SLC25A39: variants seen among roughly 807,000 people sequenced by gnomAD.
The protein encoded by SLC25A39 is mitochondrial glutathione transporter SLC25A39.
A neutral mutation model predicts 46.6 loss-of-function variants in SLC25A39; 44 were observed. The ratio of observed to expected loss-of-function variants is 0.94; its 90% CI spans 0.74 to 1.21. The LOEUF (loss-of-function observed/expected upper bound fraction) is 1.21, where lower values mean the gene tolerates loss of function less well. Ranked by LOEUF, SLC25A39 falls within the 50% of genes most tolerant of loss-of-function variation. The pLI is 0.00. For missense variants in SLC25A39, 487 were observed against 473.0 expected, an observed-to-expected ratio of 1.03 and a Z score of -0.28; for synonymous variants, 218 against 190.6, an observed-to-expected ratio of 1.14 and a Z score of -1.19.
intron 8 of SLC25A39, 151 bp from the exon 9 acceptor site, chr17:44,320,882 C>T (rs2048008960): frequency 1.0e-6 from 1 of 973,598 alleles, no homozygotes; most frequent in Non-Finnish European, 1.5e-6. Context: ...AATTAATCTC[C>T]TGACCGCCTG....
chr17:44,323,143 G>A, intron 3 of SLC25A39, 141 bp downstream of exon 3: 1 of 1,063,126 alleles, frequency 9.4e-7, no homozygotes, highest in Non-Finnish European at 1.4e-6. Flanking sequence ...GGCTGGCCTT[G>A]AACTCCTGAT....
intron 1 of SLC25A39, 99 bp from the exon 2 acceptor site, chr17:44,323,676 C>A: frequency 1.2e-6 from 1 of 803,936 alleles, no homozygotes; most frequent in Non-Finnish European, 2.0e-6. Flanking sequence ...TCTCGCTCTG[C>A]GCACTGTTGC....
rs1484541611 is a variant in SLC25A39, at chr17:44,320,742, G to C, written c.692-11C>G. On this transcript the variant is annotated splice_polypyrimidine_tract_variant and intron_variant, in intron 8 of 11. Transcript: ENST00000377095. ...TGAACCAGTACAGGGCTTGGGGTGGGGGATGCACTGATTAGAGACGGGAAG... is the reference window on the plus strand; with the variant it reads ...TGAACCAGTACAGGGCTTGGGGTGGCGGATGCACTGATTAGAGACGGGAAG... The C allele has an allele frequency of 6.9e-6, 11 of 1,601,458 alleles. No homozygotes were observed. Among genetic ancestry groups the C allele is most frequent in the Non-Finnish European group, 9.4e-6 (11 of 1,169,340 alleles).
chr17:44,321,052 G>A lies in SLC25A39; in HGVS notation c.691+6C>T. Reference sequence around the variant, plus strand: ...CTCACCCACCCCCTGCAGCTTGGGTGCCTACCTGAGAAGGGCACATCTCGA... The same window carrying A: ...CTCACCCACCCCCTGCAGCTTGGGTACCTACCTGAGAAGGGCACATCTCGA... On this transcript the variant is annotated splice_donor_region_variant and intron_variant, in intron 8 of 11. Transcript: ENST00000377095. The A allele has an allele frequency of 1.9e-6, 3 of 1,584,794 alleles. No individual in the cohort carries two copies. The highest frequency in any genetic ancestry group is 8.6e-7 in the Non-Finnish European group (1 of 1,166,848).
In SLC25A39 at chr17:44,319,850, C is replaced by A. The variant is rs2047958582; in HGVS notation, c.*151G>T. The A allele has an allele frequency of 1.5e-6, 1 of 676,824 alleles. No homozygotes were observed. The highest frequency in any genetic ancestry group is 2.5e-6 in the Non-Finnish European group (1 of 400,914). The allele number at this position is 676,824 out of a possible 1,614,324, so 41.9% of individuals were successfully genotyped here. A position where few individuals can be genotyped will look rare whatever the true frequency, so the allele number is the denominator to read the frequency against. On this transcript the variant is annotated 3_prime_UTR_variant, in exon 12 of 12. Coordinates refer to ENST00000377095, the MANE Select transcript of SLC25A39 (RefSeq NM_001143780.3). ...TGTGTCTGAGGAAGTGCTGGGCCGC[C>A]CAGAGGGACAGCCCTGCCCTGGAGC...
chr17:44,320,834 T>A, intron 8 of SLC25A39, 103 bp from the exon 9 acceptor site: 1 of 1,052,052 alleles, frequency 9.5e-7, no homozygotes. Context: ...GTGAGTCTTG[T>A]CTGCTACATG....
At chr17:44,323,449 G>GCCCCCCCCCCCC in intron 2 of SLC25A39, 29 bp downstream of exon 2, 1 of 258,682 alleles carries the variant, frequency 3.9e-6, no homozygotes. Context: ...ATCCCCACCC[G>GCCCCCCCCCCCC]CCCCCACCCC....
rs778600104 is a variant in SLC25A39, at chr17:44,320,624, T to TC, written c.798dup (p.Thr267AspfsTer11). 9.3e-6 allele frequency: 15 copies of TC among 1,613,514 alleles called. No individual in the cohort carries two copies. Among genetic ancestry groups the TC allele is most frequent in the Non-Finnish European group, 1.3e-5 (15 of 1,179,794 alleles). On this transcript the variant is annotated frameshift_variant, in exon 9 of 12. Transcript: ENST00000377095. LOFTEE classifies it high-confidence loss of function. ...CACCTCCAGCCCAGTCCACTCACCG[T>TC]CCCTGAGATGCCACCAGCCACAAAG...
chr17:44,322,765 C>T (rs747989857), intron 4 of SLC25A39, 43 bp downstream of exon 4: 2 of 1,613,496 alleles, frequency 1.2e-6, no homozygotes, highest in African/African-American at 2.7e-5. Flanking sequence ...GGACTGTCTC[C>T]CCCTTGCACC....
intron 5 of SLC25A39, among the ~76,000 whole-genome samples, chr17:44,322,135 G>A (rs1010391892): frequency 2.0e-5 from 3 of 152,190 alleles, no homozygotes; most frequent in African/African-American, 7.2e-5. Context: ...TGTAATCCCA[G>A]CTACTTCGGA....
chr17:44,320,574 C>T (rs1231317903), intron 9 of SLC25A39, 48 bp downstream of exon 9: 13 of 1,592,148 alleles, frequency 8.2e-6, no homozygotes, highest in Non-Finnish European at 9.5e-6. Flanking sequence ...CCTCAGGCCC[C>T]CCGCAGGGAG....
At position 44,319,998 on chromosome 17, in the gene SLC25A39, CT is replaced by C; in HGVS notation, c.*2del. The C allele has an allele frequency of 6.2e-7, 1 of 1,613,842 alleles. No homozygotes were observed. Among genetic ancestry groups the C allele is most frequent in the East Asian group, 2.2e-5 (1 of 44,878 alleles). On this transcript the variant is annotated 3_prime_UTR_variant, in exon 12 of 12. Coordinates refer to ENST00000377095, the MANE Select transcript of SLC25A39 (RefSeq NM_001143780.3). ...AGACGGGGTCCTTGCCTCCTTGCCCCTTTCAGCCGCCCAGAAGCCGGTCCTG... is the reference window on the plus strand; with the variant it reads ...AGACGGGGTCCTTGCCTCCTTGCCCCTTCAGCCGCCCAGAAGCCGGTCCTG...
At position 44,321,707 on chromosome 17, in the gene SLC25A39, CGG is replaced by C. The variant is rs2048045452; in HGVS notation, c.383_384del (p.Pro128ArgfsTer18). On this transcript the variant is annotated frameshift_variant, in exon 6 of 12. Coordinates refer to ENST00000377095, the MANE Select transcript of SLC25A39 (RefSeq NM_001143780.3). LOFTEE classifies it high-confidence loss of function. ...EGTRTLWSGL[P>X]ATLVMTVPAT... ...CAGGACCCGGCTACTCACAGGGTGG[CGG>C]GGAGGCCGCTCCAGAGGGTCCTGGT... 4 of 1,611,636 alleles carry C rather than the reference CGG, an allele frequency of 2.5e-6. No homozygotes were observed. Among genetic ancestry groups the C allele is most frequent in the Non-Finnish European group, 3.4e-6 (4 of 1,178,460 alleles).
chr17:44,322,057 T>C lies in SLC25A39; in HGVS notation c.325-290A>G, dbSNP rs557904790. Among the ~76,000 whole-genome samples, 45 of 152,300 alleles carry C rather than the reference T, an allele frequency of 3.0e-4. No homozygotes were observed. In the South Asian group the frequency reaches 8.3e-3, roughly 28 times the overall value. ...TTGAGGCAGGAGTTCGAGACCAGCC[T>C]GGCCAACACGGCAAAACCCTGTCTC... On this transcript the variant is annotated intron_variant, in intron 5 of 11. Transcript: ENST00000377095.
At chr17:44,321,822 G>A (rs533472757) in intron 5 of SLC25A39, 55 bp from the exon 6 acceptor site, 2 of 1,560,750 alleles carry the variant, frequency 1.3e-6, no homozygotes, top group African/African-American at 1.3e-5. Context: ...TGATGTCTGT[G>A]ATGGGGCTGG....
chr17:44,320,123 T>A lies in SLC25A39; in HGVS notation c.965-7A>T. On this transcript the variant is annotated splice_region_variant and splice_polypyrimidine_tract_variant and intron_variant, in intron 11 of 11. Coordinates refer to ENST00000377095, the MANE Select transcript of SLC25A39 (RefSeq NM_001143780.3). ...ATGATCCGAGGAAGGAAGCCTGCAG[T>A]GGAAAGGAGGCCCGTGTCAGGGGTC... 4 of 1,613,840 alleles carry A rather than the reference T, an allele frequency of 2.5e-6. No individual in the cohort carries two copies. The highest frequency in any genetic ancestry group is 3.4e-6 in the Non-Finnish European group (4 of 1,179,950).
intron 8 of SLC25A39, 79 bp from the exon 9 acceptor site, chr17:44,320,810 A>G: frequency 8.7e-7 from 1 of 1,152,744 alleles, no homozygotes; most frequent in South Asian, 1.3e-5. Context: ...CACTGCCACC[A>G]CTCCCTCCCA....
chr17:44,323,439 A>AAGACCCCC, intron 2 of SLC25A39, 39 bp downstream of exon 2: 1 of 257,112 alleles, frequency 3.9e-6, no homozygotes, highest in Non-Finnish European at 5.7e-6. Context: ...GGTCTGCCCC[A>AAGACCCCC]TCCCCACCCG....
chr17:44,322,999 T>C (rs2048102028), intron 3 of SLC25A39, 147 bp from the exon 4 acceptor site: 1 of 924,000 alleles, frequency 1.1e-6, no homozygotes, highest in Non-Finnish European at 1.7e-6. Flanking sequence ...CTCAGCTCAC[T>C]GCAACCTCCA....
Sources: gnomAD v4.1 joint callset for allele counts (sites outside exome capture counted in the v4.1 genomes callset) on GRCh38, gnomAD v4.1.1 for gene constraint, MANE v1.5 for transcripts, NCBI Gene and HGNC (gene_info 2026-07-23, HGNC 2026-07-21) for gene names.